The following LRRC63 variants were observed in gnomAD, a reference collection of about 807,000 sequenced individuals.
The protein encoded by LRRC63 is leucine rich repeat containing 63.
A neutral mutation model predicts 49.5 loss-of-function variants in LRRC63; 40 were observed. That is an observed-to-expected ratio of 0.81 (90% CI 0.63 to 1.05). LRRC63 has a LOEUF of 1.05. LRRC63 is among the 50% of genes least tolerant of loss of function. LRRC63 has a pLI of 0.00. For synonymous variants in LRRC63, 191 were observed against 221.1 expected (o/e 0.86, Z 1.21); for missense variants, 636 against 663.1 (o/e 0.96, Z 0.45).
intron 9 of LRRC63, among the ~76,000 whole-genome samples, chr13:46,276,105 A>G (rs527991305): frequency 1.3e-5 from 2 of 152,258 alleles, no homozygotes; most frequent in African/African-American, 4.8e-5. Context: ...TAATGTACTA[A>G]TGGATTAATA....
At chr13:46,218,029 T>C (rs1265560152) in intron 2 of LRRC63, among the ~76,000 whole-genome samples, 1 of 152,200 alleles carries the variant, frequency 6.6e-6, no homozygotes, top group African/African-American at 2.4e-5. Flanking sequence ...AATTATGTGG[T>C]CAATTTTCGA....
intron 6 of LRRC63, 40 bp downstream of exon 6, chr13:46,246,665 C>A: frequency 1.2e-6 from 1 of 862,432 alleles, no homozygotes; most frequent in South Asian, 3.7e-5. Flanking sequence ...TATAACTTGT[C>A]GTGAATAATA....
intron 6 of LRRC63, 90 bp downstream of exon 6, chr13:46,246,715 A>T: frequency 1.9e-6 from 1 of 533,766 alleles, no homozygotes; most frequent in Non-Finnish European, 2.9e-6. Context: ...CCTTGAAGTT[A>T]CTATAAAGTA....
At chr13:46,242,913 G>T (rs954416654) in intron 5 of LRRC63, among the ~76,000 whole-genome samples, 1 of 152,168 alleles carries the variant, frequency 6.6e-6, no homozygotes, top group Non-Finnish European at 1.5e-5. Context: ...GCTACAGGGA[G>T]TCCTTCCATC....
chr13:46,228,758 T>TTTTAGAAAATGTATGTAAGATTATATC, intron 4 of LRRC63, 25 bp downstream of exon 4: 1 of 1,424,052 alleles, frequency 7.0e-7, no homozygotes, highest in Non-Finnish European at 9.6e-7. Flanking sequence ...TATACAATTC[T>TTTTAGAAAATGTATGTAAGATTATATC]TTTAGAAAAT....
intron 2 of LRRC63, among the ~76,000 whole-genome samples, chr13:46,224,771 AC>A (rs2046520458): frequency 6.6e-6 from 1 of 152,316 alleles, no homozygotes; most frequent in Admixed American, 6.5e-5. Flanking sequence ...TGGGTAGGGC[AC>A]TTTGGCTTTG....
Position 46,225,836 on chromosome 13 carries a change from T to C in LRRC63, c.86-1676T>C, listed in dbSNP as rs75139193. On this transcript the variant is annotated intron_variant, in intron 2 of 9. Coordinates refer to ENST00000595396, the Ensembl canonical transcript of LRRC63. Reference sequence around the variant, plus strand: ...ATTGAATTACTTGTTTCATCTAAATTAGTACTTCCATATAGTGTACAATCA... The same window carrying C: ...ATTGAATTACTTGTTTCATCTAAATCAGTACTTCCATATAGTGTACAATCA... Among the ~76,000 whole-genome samples the C allele has an allele frequency of 4.1e-3, 628 of 152,268 alleles. 6 individuals carry two copies. The highest frequency in any genetic ancestry group is 0.014 in the African/African-American group (598 of 41,554).
chr13:46,268,290 T>C (rs2047708753), intron 9 of LRRC63, among the ~76,000 whole-genome samples: 1 of 152,066 alleles, frequency 6.6e-6, no homozygotes, highest in South Asian at 2.1e-4. Flanking sequence ...ATAGTAAACA[T>C]GTAGACCGGA....
chr13:46,275,156 T>A (rs938512967), intron 9 of LRRC63, among the ~76,000 whole-genome samples: 1 of 152,188 alleles, frequency 6.6e-6, no homozygotes, highest in African/African-American at 2.4e-5. Flanking sequence ...AAGATTTTAT[T>A]CCTTTTATAG....
At chr13:46,241,143 G>T (rs1047365354) in intron 5 of LRRC63, among the ~76,000 whole-genome samples, 1 of 152,172 alleles carries the variant, frequency 6.6e-6, no homozygotes, top group East Asian at 1.9e-4. Context: ...CAATGGAACT[G>T]AATAGAGAAC....
At chr13:46,257,443 A>G (rs1294702823) in intron 7 of LRRC63, among the ~76,000 whole-genome samples, 2 of 149,848 alleles carry the variant, frequency 1.3e-5, no homozygotes, top group East Asian at 3.9e-4. Context: ...TGGCAGTAAC[A>G]GCAAACTAAA....
At chr13:46,276,494 G>T in intron 9 of LRRC63, 96 bp from the exon 10 acceptor site, 1 of 531,126 alleles carries the variant, frequency 1.9e-6, no homozygotes, top group East Asian at 3.5e-5. Context: ...CTCAATGAAG[G>T]TAAGGGCAGT....
intron 2 of LRRC63, among the ~76,000 whole-genome samples, chr13:46,218,694 T>A (rs1404737334): frequency 1.3e-5 from 2 of 152,154 alleles, no homozygotes; most frequent in Non-Finnish European, 2.9e-5. Context: ...TTCTTCATAG[T>A]GTTGATGGTC....
intron 9 of LRRC63, among the ~76,000 whole-genome samples, chr13:46,269,899 C>CTATACACATATATATA (rs757634528): frequency 4.4e-5 from 5 of 114,312 alleles, no homozygotes; most frequent in Admixed American, 3.5e-4. Flanking sequence ...ATAGTAGACA[C>CTATACACATATATATA]TATATACATA....
exon 10 of LRRC63, chr13:46,276,857 T>TATATATATTC (rs2047849591): frequency 6.2e-6 from 1 of 160,084 alleles, no homozygotes; most frequent in African/African-American, 3.0e-5. Flanking sequence ...TATATTTATA[T>TATATATATTC]ATATATATAT....
At chr13:46,241,385 G>A (rs746580619) in intron 5 of LRRC63, among the ~76,000 whole-genome samples, 139 of 152,134 alleles carry the variant, frequency 9.1e-4, no homozygotes, top group Non-Finnish European at 1.8e-3. Context: ...AGACAACCTA[G>A]GCAATACTAT....
chr13:46,269,473 A>G (rs1230293250), intron 9 of LRRC63, among the ~76,000 whole-genome samples: 1 of 152,102 alleles, frequency 6.6e-6, no homozygotes, highest in African/African-American at 2.4e-5. Flanking sequence ...ACAAGGAAAA[A>G]ACAATAAAAT....
At chr13:46,270,705 T>C in intron 9 of LRRC63, 3 of 632,072 alleles carry the variant, frequency 4.7e-6, no homozygotes, top group South Asian at 3.2e-5. Flanking sequence ...AGAACCAGTA[T>C]CTGTGAAGCA....
At chr13:46,214,586 A>G (rs2046192103) in intron 2 of LRRC63, among the ~76,000 whole-genome samples, 1 of 152,042 alleles carries the variant, frequency 6.6e-6, no homozygotes, top group Non-Finnish European at 1.5e-5. Context: ...TCTTGCTCCA[A>G]AGGCTCTTGA....
Sources: gnomAD v4.1 joint callset for allele counts (sites outside exome capture counted in the v4.1 genomes callset) on GRCh38, gnomAD v4.1.1 for gene constraint, MANE v1.5 for transcripts, NCBI Gene and HGNC (gene_info 2026-07-23, HGNC 2026-07-21) for gene names.